The following SEPTIN9 variants were observed in gnomAD, a reference collection of about 807,000 sequenced individuals.
The protein encoded by SEPTIN9 is septin-9.
A neutral mutation model predicts 56.6 loss-of-function variants in SEPTIN9; 13 were observed. The ratio of observed to expected loss-of-function variants is 0.23; its 90% CI spans 0.15 to 0.37. SEPTIN9 has a LOEUF of 0.37. Among genes scored for constraint, SEPTIN9 ranks in the 10% least tolerant of loss-of-function variants. SEPTIN9 has a pLI of 1.00. For missense variants in SEPTIN9, 650 were observed against 823.1 expected (o/e 0.79, Z 2.57); for synonymous variants, 332 against 334.1 (o/e 0.99, Z 0.07).
chr17:77,494,503 G>A (rs1240205868), intron 10 of SEPTIN9, among the ~76,000 whole-genome samples: 1 of 152,238 alleles, frequency 6.6e-6, no homozygotes, highest in Non-Finnish European at 1.5e-5. Context: ...TCCACAAAGT[G>A]GGTGCAGTGT....
chr17:77,363,270 A>C (rs73371476), intron 2 of SEPTIN9, among the ~76,000 whole-genome samples: 109 of 151,724 alleles, frequency 7.2e-4, no homozygotes, highest in African/African-American at 2.4e-3. Context: ...AGTGTTGCTT[A>C]TGAATTATAA....
At chr17:77,470,862 C>A (rs2038966390) in intron 3 of SEPTIN9, 1 of 152,296 alleles carries the variant, frequency 6.6e-6, no homozygotes, top group South Asian at 2.1e-4. Flanking sequence ...TTCGGACATG[C>A]AGGATTCTGA....
intron 3 of SEPTIN9, chr17:77,471,078 C>G (rs1002024342): frequency 6.6e-6 from 1 of 152,294 alleles, no homozygotes; most frequent in Non-Finnish European, 1.5e-5. Flanking sequence ...TCCAGTCTCT[C>G]AACTCTTGTC....
In SEPTIN9 at chr17:77,453,505, T is replaced by C. The variant is rs312837; in HGVS notation, c.722-28639T>C. Among the ~76,000 whole-genome samples the C allele has an allele frequency of 0.022, 3,271 of 150,988 alleles. 129 individuals are homozygous for C. The highest frequency in any genetic ancestry group is 0.076 in the African/African-American group (3,117 of 41,014). ...CTGTAATGGCAGCTACTCGGGAGGC[T>C]GAGACAGGAGAATCACTTGAACCTG... On this transcript the variant is annotated intron_variant, in intron 3 of 11. Transcript: ENST00000427177. This position sits in a 1 kb window ranked among gnomAD's most constrained non-coding sequence, Gnocchi z 4.4.
Position 77,330,142 on chromosome 17 carries a change from C to G in SEPTIN9, c.76+22945C>G, listed in dbSNP as rs959466336. Among the ~76,000 whole-genome samples the G allele has an allele frequency of 2.0e-5, 3 of 152,238 alleles. No individual in the cohort carries two copies. Among genetic ancestry groups the G allele is most frequent in the African/African-American group, 7.2e-5 (3 of 41,458 alleles). ...TGCCTCCTCTCCTTCGGGACAGACC[C>G]CTGTGATCGCTGGGTGTTCCTGATG... On this transcript the variant is annotated intron_variant, in intron 2 of 11. Transcript: ENST00000427177. The surrounding 1 kb of genome is among the most constrained non-coding windows in gnomAD (Gnocchi z 4.4).
In SEPTIN9 at chr17:77,343,015, A is replaced by G. The variant is rs113500118; in HGVS notation, c.76+35818A>G. Among the ~76,000 whole-genome samples the G allele has an allele frequency of 7.8e-4, 113 of 145,408 alleles. 3 individuals carry two copies. Among genetic ancestry groups the G allele is most frequent in the South Asian group, 1.0e-3 (5 of 4,792 alleles). On this transcript the variant is annotated intron_variant, in intron 2 of 11. Transcript: ENST00000427177. ...TGTCTGTCTGTCTGTCTATCTATCT[A>G]TCTATCTATCTATCTATCTATCTAT...
intron 3 of SEPTIN9, among the ~76,000 whole-genome samples, chr17:77,469,925 A>G (rs1598425262): frequency 6.8e-6 from 1 of 146,050 alleles, no homozygotes; most frequent in Non-Finnish European, 1.5e-5. Context: ...TTACCCATCT[A>G]TCCATCCACT....
At position 77,373,739 on chromosome 17, in the gene SEPTIN9, T is replaced by C. The variant is rs528107476; in HGVS notation, c.77-28320T>C. The C allele has an allele frequency of 4.1e-6, 5 of 1,218,982 alleles. No individual in the cohort carries two copies. The East Asian group carries it at 1.6e-4, about 38-fold the overall frequency. 75.5% of individuals were successfully genotyped at this position (1,218,982 alleles called of 1,614,324 possible). ...CGGCCCCGTGCCCGCGCCGCCTACG[T>C]GGGGGACCCTGTTAGGGGCACCCGC... On this transcript the variant is annotated intron_variant, in intron 2 of 11. Transcript: ENST00000427177.
chr17:77,381,896 C>T (rs1319674768), intron 2 of SEPTIN9, among the ~76,000 whole-genome samples: 1 of 152,202 alleles, frequency 6.6e-6, no homozygotes, highest in Non-Finnish European at 1.5e-5. Flanking sequence ...TAGGCATGGG[C>T]TCAGGAGAAG....
At position 77,405,036 on chromosome 17, in the gene SEPTIN9, G is replaced by A; in HGVS notation, c.721+2333G>A. 6.6e-7 allele frequency: 1 copy of A among 1,525,944 alleles called. No homozygotes were observed. Among genetic ancestry groups the A allele is most frequent in the Non-Finnish European group, 8.8e-7 (1 of 1,139,868 alleles). 94.5% of individuals were successfully genotyped at this position (1,525,944 alleles called of 1,614,324 possible). On this transcript the variant is annotated intron_variant, in intron 3 of 11. Transcript: ENST00000427177. This position sits in a 1 kb window ranked among gnomAD's most constrained non-coding sequence, Gnocchi z 5.8. ...GGTTGATGTGTTCACACTCAGCTGA[G>A]TCAAACAGGATGTGGCTGGGGAGGC...
At chr17:77,410,704 G>C (rs961857201) in intron 3 of SEPTIN9, among the ~76,000 whole-genome samples, 1 of 152,166 alleles carries the variant, frequency 6.6e-6, no homozygotes, top group Non-Finnish European at 1.5e-5. Flanking sequence ...AGCGCCTGGG[G>C]GATTCGTGTT....
intron 2 of SEPTIN9, among the ~76,000 whole-genome samples, chr17:77,354,755 G>A (rs772607718): frequency 2.0e-5 from 3 of 152,014 alleles, no homozygotes; most frequent in African/African-American, 4.8e-5. Context: ...ATCTTTGCTT[G>A]TGTGTTTGCC....
Position 77,437,625 on chromosome 17 carries a change from G to A in SEPTIN9, c.721+34922G>A, listed in dbSNP as rs2037390055. Among the ~76,000 whole-genome samples the A allele has an allele frequency of 6.6e-6, 1 of 152,020 alleles. No individual in the cohort carries two copies. The highest frequency in any genetic ancestry group is 6.6e-5 in the Admixed American group (1 of 15,256). On this transcript the variant is annotated intron_variant, in intron 3 of 11. Transcript: ENST00000427177. The surrounding 1 kb of genome is among the most constrained non-coding windows in gnomAD (Gnocchi z 5.3). ...GCTTCTGGTGGGGAGACCTCAGAGG[G>A]GCCTGCCGTCACCATCGCCAGTGGC...
chr17:77,438,478 T>C (rs191701203), intron 3 of SEPTIN9, among the ~76,000 whole-genome samples: 1 of 152,286 alleles, frequency 6.6e-6, no homozygotes, highest in African/African-American at 2.4e-5. Context: ...CTAAGGTCAC[T>C]AATCAGCTGG....
At chr17:77,427,692 C>T (rs2036965001) in intron 3 of SEPTIN9, among the ~76,000 whole-genome samples, 1 of 152,214 alleles carries the variant, frequency 6.6e-6, no homozygotes, top group Non-Finnish European at 1.5e-5. Flanking sequence ...TTGCCATCCA[C>T]ACTCTGTGCC....
chr17:77,445,075 C>T lies in SEPTIN9; in HGVS notation c.722-37069C>T, dbSNP rs2037684787. 2.4e-6 allele frequency: 1 copy of T among 421,496 alleles called. No homozygotes were observed. The highest frequency in any genetic ancestry group is 1.7e-5 in the South Asian group (1 of 58,854). The allele number at this position is 421,496 out of a possible 1,614,324, so 26.1% of individuals were successfully genotyped here. On this transcript the variant is annotated intron_variant, in intron 3 of 11. Transcript: ENST00000427177. The surrounding 1 kb of genome is among the most constrained non-coding windows in gnomAD (Gnocchi z 4.7). The stretch of plus-strand genomic sequence containing the variant: ...TCACAGAAAATGTGCAGAGGCCCCT[C>T]TGTCCCACCATGCCTGCCTGGGGAC...
rs536867961 is a variant in SEPTIN9, at chr17:77,289,733, T to TAATATAATTTTTAAGGAAATAA, written c.19+8179_19+8180insAATATAATTTTTAAGGAAATAA. On this transcript the variant is annotated intron_variant, in intron 1 of 11. Coordinates refer to ENST00000427177, the MANE Select transcript of SEPTIN9 (RefSeq NM_001113491.2). The stretch of plus-strand genomic sequence containing the variant: ...TATGCTTTTTATTATTATTATTTAA[T>TAATATAATTTTTAAGGAAATAA]TTTTTAAGGAAAGCAATCTAAACTG... 1.2e-3 allele frequency among the ~76,000 whole-genome samples: 180 copies of TAATATAATTTTTAAGGAAATAA among 152,330 alleles called. 1 individual carries two copies. The highest frequency in any genetic ancestry group is 3.6e-3 in the African/African-American group (151 of 41,586).
At chr17:77,452,828 G>A (rs2038036295) in intron 3 of SEPTIN9, among the ~76,000 whole-genome samples, 1 of 150,612 alleles carries the variant, frequency 6.6e-6, no homozygotes, top group Non-Finnish European at 1.5e-5. Context: ...GCAGCCCCAG[G>A]AGCTCCTTTT....
In SEPTIN9 at chr17:77,445,992, TA is replaced by T. The variant is rs1239043130; in HGVS notation, c.722-36151del. 1 of 168,970 alleles carries T rather than the reference TA, an allele frequency of 5.9e-6. No homozygotes were observed. The highest frequency in any genetic ancestry group is 1.4e-5 in the Non-Finnish European group (1 of 69,128). The allele number at this position is 168,970 out of a possible 1,614,324, so 10.5% of individuals were successfully genotyped here. ...GGAAAATCCAACACAGAACCCCGAG[TA>T]GGGGCGGGAAGGGGTCCTGTCCCGC... On this transcript the variant is annotated intron_variant, in intron 3 of 11. Coordinates refer to ENST00000427177, the MANE Select transcript of SEPTIN9 (RefSeq NM_001113491.2). This position sits in a 1 kb window ranked among gnomAD's most constrained non-coding sequence, Gnocchi z 4.7.
Sources: allele counts gnomAD v4.1 joint callset (sites outside exome capture counted in the v4.1 genomes callset), GRCh38; gene constraint gnomAD v4.1.1; non-coding constraint Gnocchi (gnomAD v3.1); transcripts MANE v1.5; gene names NCBI Gene and HGNC (gene_info 2026-07-23, HGNC 2026-07-21).